SNX6: variants seen among roughly 807,000 people sequenced by gnomAD.
SNX6 encodes sorting nexin 6.
SNX6 carries 34 observed loss-of-function variants against 63.0 expected under a neutral mutation model. That is an observed-to-expected ratio of 0.54 (90% CI 0.41 to 0.72). The LOEUF is 0.72. Among genes scored for constraint, SNX6 ranks in the 30% least tolerant of loss-of-function variants. The pLI, the probability that SNX6 is intolerant of heterozygous loss-of-function variation, is 0.00. For missense variants in SNX6, 398 were observed against 471.4 expected (o/e 0.84, Z 1.44); for synonymous variants, 170 against 164.2 (o/e 1.04, Z -0.27).
intron 10 of SNX6, 61 bp from the exon 11 acceptor site, chr14:34,575,903 CCTT>C: frequency 1.0e-6 from 1 of 998,910 alleles, no homozygotes; most frequent in East Asian, 2.7e-5. Context: ...TCAGTGGTTT[CCTT>C]CTTTTTGTTG....
chr14:34,592,974 T>C (rs1226823917), intron 8 of SNX6, 71 bp downstream of exon 8: 2 of 1,138,098 alleles, frequency 1.8e-6, no homozygotes, highest in Middle Eastern at 2.5e-4. Context: ...TTAAGACTTT[T>C]TCAAACTATA....
At chr14:34,590,280 T>C (rs537759540) in intron 8 of SNX6, among the ~76,000 whole-genome samples, 1 of 151,526 alleles carries the variant, frequency 6.6e-6, no homozygotes, top group South Asian at 2.1e-4. Flanking sequence ...TACAAAAAAT[T>C]AGCCGGGCGT....
chr14:34,616,472 C>T (rs1253733508), intron 2 of SNX6, among the ~76,000 whole-genome samples: 2 of 152,008 alleles, frequency 1.3e-5, no homozygotes, highest in Non-Finnish European at 1.5e-5. Flanking sequence ...TGGGATCAAG[C>T]GATCATTCCA....
At chr14:34,582,130 A>C (rs1299808525) in intron 9 of SNX6, among the ~76,000 whole-genome samples, 3 of 115,406 alleles carry the variant, frequency 2.6e-5, no homozygotes, top group Admixed American at 1.9e-4. Flanking sequence ...CCCGGCCCTG[A>C]TTTTTTTTTT....
chr14:34,612,766 C>T (rs903596839), intron 2 of SNX6, among the ~76,000 whole-genome samples: 1 of 151,766 alleles, frequency 6.6e-6, no homozygotes, highest in Non-Finnish European at 1.5e-5. Context: ...AAGGCAGAGG[C>T]CAGGCGCCAC....
At chr14:34,574,593 T>C (rs1416890963) in intron 11 of SNX6, among the ~76,000 whole-genome samples, 2 of 136,166 alleles carry the variant, frequency 1.5e-5, no homozygotes, top group Non-Finnish European at 3.0e-5. Context: ...GAGGTTACAG[T>C]TGGGTGACAG....
intron 2 of SNX6, 54 bp downstream of exon 2, chr14:34,629,853 A>C: frequency 6.5e-7 from 1 of 1,548,790 alleles, no homozygotes; most frequent in Non-Finnish European, 8.7e-7. Flanking sequence ...CCGGGGACCC[A>C]GGATGGGGAA....
intron 2 of SNX6, among the ~76,000 whole-genome samples, chr14:34,619,538 A>G (rs1883548777): frequency 6.7e-6 from 1 of 150,332 alleles, no homozygotes; most frequent in Non-Finnish European, 1.5e-5. Flanking sequence ...TTCAGCACTT[A>G]TACGCAAACA....
At chr14:34,606,278 G>A (rs539206887) in intron 4 of SNX6, among the ~76,000 whole-genome samples, 55 of 145,478 alleles carry the variant, frequency 3.8e-4, no homozygotes, top group African/African-American at 1.4e-3. Flanking sequence ...ACGACACCAC[G>A]CCCAACTAAT....
intron 11 of SNX6, 114 bp from the exon 12 acceptor site, chr14:34,568,127 A>G: frequency 2.5e-6 from 2 of 808,938 alleles, no homozygotes; most frequent in Non-Finnish European, 3.7e-6. Context: ...AGTGAATACT[A>G]CATGCCAGTT....
chr14:34,563,202 C>T, intron 13 of SNX6, 27 bp from the exon 14 acceptor site: 1 of 1,595,852 alleles, frequency 6.3e-7, no homozygotes, highest in Non-Finnish European at 8.6e-7. Flanking sequence ...AAATAAATTA[C>T]AAATTTTATT....
chr14:34,604,857 C>CAAAA (rs10630883), intron 5 of SNX6, among the ~76,000 whole-genome samples: 8 of 148,504 alleles, frequency 5.4e-5, no homozygotes, highest in Non-Finnish European at 8.9e-5. Flanking sequence ...GCAAATACTC[C>CAAAA]AAAAAAAAAA....
intron 4 of SNX6, among the ~76,000 whole-genome samples, chr14:34,607,302 G>A (rs2138352544): frequency 6.6e-6 from 1 of 152,076 alleles, no homozygotes; most frequent in South Asian, 2.1e-4. Flanking sequence ...TTTCATAACT[G>A]ACAATTTAAA....
chr14:34,629,467 T>A, intron 2 of SNX6: 1 of 469,008 alleles, frequency 2.1e-6, no homozygotes, highest in Non-Finnish European at 4.2e-6. Context: ...CCTGTACTAT[T>A]TGAGAGAGAC....
At position 34,586,301 on chromosome 14, in the gene SNX6, A is replaced by G. The variant is rs1377850179; in HGVS notation, c.723T>C (p.Ala241=). The G allele has an allele frequency of 6.2e-7, 1 of 1,604,834 alleles. No homozygotes were observed. Among genetic ancestry groups the G allele is most frequent in the East Asian group, 2.2e-5 (1 of 44,828 alleles). ...AACCAATTCTATTGTAATCATCTGC[A>G]GCACCTATGGAGAAAGTTTTAAGAA... The part of the protein sequence containing the change: ...SDRMTRSHKS[A]ADDYNRIGSS... The change falls in exon 9 of 14, where the codon GCT becomes GCC. Residue 241 remains alanine (A), a synonymous_variant. Transcript: ENST00000362031.
chr14:34,569,178 G>A (rs758265556), intron 11 of SNX6: 49 of 725,094 alleles, frequency 6.8e-5, no homozygotes, highest in South Asian at 2.2e-4. Flanking sequence ...GGCTCAGTCC[G>A]TTTTTTTAAG....
chr14:34,587,596 G>A (rs1256723192), intron 8 of SNX6, among the ~76,000 whole-genome samples: 1 of 146,094 alleles, frequency 6.8e-6, no homozygotes, highest in African/African-American at 2.5e-5. Flanking sequence ...AATCCTGGGC[G>A]ATAGAGCTAG....
intron 11 of SNX6, among the ~76,000 whole-genome samples, chr14:34,569,559 T>C (rs972535237): frequency 3.3e-5 from 5 of 152,134 alleles, no homozygotes; most frequent in African/African-American, 1.2e-4. Flanking sequence ...CCTGAGTAGC[T>C]GGGACTACAG....
chr14:34,588,926 G>C (rs1882281588), intron 8 of SNX6, among the ~76,000 whole-genome samples: 1 of 152,160 alleles, frequency 6.6e-6, no homozygotes, highest in Non-Finnish European at 1.5e-5. Context: ...ATGAGGTCAA[G>C]AGTTCAAGAC....
Sources: allele counts gnomAD v4.1 joint callset (sites outside exome capture counted in the v4.1 genomes callset), GRCh38; gene constraint gnomAD v4.1.1; transcripts MANE v1.5; gene names NCBI Gene and HGNC (gene_info 2026-07-23, HGNC 2026-07-21).